Variants in NMT1 observed in about 807,000 individuals in gnomAD.
The protein encoded by NMT1 is N-myristoyltransferase 1.
Under a neutral mutation model 63.4 loss-of-function variants are expected in NMT1, and 12 were observed. The observed-to-expected ratio is 0.19, with a 90% confidence interval of 0.12 to 0.31. The LOEUF is 0.31. NMT1 is among the 10% of genes least tolerant of loss of function. NMT1 has a pLI of 1.00. For missense variants in NMT1, 432 were observed against 634.6 expected, an observed-to-expected ratio of 0.68 and a Z score of 3.43; for synonymous variants, 228 against 234.3, an observed-to-expected ratio of 0.97 and a Z score of 0.25.
intron 3 of NMT1, among the ~76,000 whole-genome samples, chr17:45,088,151 A>G (rs540099424): frequency 1.3e-5 from 2 of 152,152 alleles, no homozygotes; most frequent in Admixed American, 6.5e-5. Flanking sequence ...TGATTCCCCC[A>G]TCACCGTGTG....
chr17:45,066,570 A>G (rs925162634), intron 1 of NMT1, among the ~76,000 whole-genome samples: 8 of 151,946 alleles, frequency 5.3e-5, no homozygotes, highest in Non-Finnish European at 1.0e-4. Context: ...CCTGGGCAAC[A>G]TGGTGAGACC....
intron 1 of NMT1, among the ~76,000 whole-genome samples, chr17:45,080,273 G>A (rs1173162189): frequency 6.6e-6 from 1 of 151,496 alleles, no homozygotes; most frequent in African/African-American, 2.4e-5. Flanking sequence ...CGATTCTCCT[G>A]CCTTAGCCTC....
intron 3 of NMT1, among the ~76,000 whole-genome samples, chr17:45,092,065 C>T (rs895662243): frequency 6.6e-6 from 1 of 152,120 alleles, no homozygotes; most frequent in Non-Finnish European, 1.5e-5. Flanking sequence ...TATGACCTCT[C>T]TCCCAAGCAA....
At chr17:45,061,809 T>TA (rs2053863626) in intron 1 of NMT1, 1 of 175,494 alleles carries the variant, frequency 5.7e-6, no homozygotes, top group African/African-American at 2.4e-5. Context: ...GAACGTTACT[T>TA]ATAGACGTGT....
At chr17:45,085,819 C>CTTTTTTT (rs747872109) in intron 2 of NMT1, among the ~76,000 whole-genome samples, 4 of 145,508 alleles carry the variant, frequency 2.7e-5, no homozygotes, top group Non-Finnish European at 3.0e-5. Flanking sequence ...CCCTTTAACT[C>CTTTTTTT]TTTTTTTTTT....
In NMT1 at chr17:45,098,515, G is replaced by A. The variant is rs1302511754; in HGVS notation, c.847G>A (p.Ala283Thr). Residue 283 changes from alanine to threonine, a missense_variant, in exon 7 of 12, where the codon GCC becomes ACC. This residue lies in a region of NMT1 where 295 missense variants were observed against 489.7 expected (regional missense o/e 0.60). Coordinates refer to ENST00000258960, the MANE Select transcript of NMT1 (RefSeq NM_021079.5). ...GGGCATCTTCCAAGCAGTTTACACT[G>A]CCGGGGTGGTACTACCAAAGCCCGT... Reference protein sequence around the residue: ...LEGIFQAVYTAGVVLPKPVGT... With the variant: ...LEGIFQAVYTTGVVLPKPVGT... 3 of 1,614,180 alleles carry A rather than the reference G, an allele frequency of 1.9e-6. No individual in the cohort carries two copies. Among genetic ancestry groups the A allele is most frequent in the Non-Finnish European group, 2.5e-6 (3 of 1,180,028 alleles).
At chr17:45,077,452 G>A (rs1227060061) in intron 1 of NMT1, among the ~76,000 whole-genome samples, 1 of 152,314 alleles carries the variant, frequency 6.6e-6, no homozygotes, top group East Asian at 1.9e-4. Context: ...GTATAGTGGT[G>A]CAATCTTGGC....
Position 45,107,737 on chromosome 17 carries a change from C to A in NMT1, c.*2098C>A, listed in dbSNP as rs570223309. 3 of 152,428 alleles carry A rather than the reference C, an allele frequency of 2.0e-5. No homozygotes were observed. In the East Asian group the frequency reaches 5.8e-4, roughly 29 times the overall value. 9.4% of individuals were successfully genotyped at this position (152,428 alleles called of 1,614,324 possible). A position where few individuals can be genotyped will look rare whatever the true frequency, so the allele number is the denominator to read the frequency against. On this transcript the variant is annotated 3_prime_UTR_variant, in exon 12 of 12. Coordinates refer to ENST00000258960, the MANE Select transcript of NMT1 (RefSeq NM_021079.5). Reference sequence around the variant, plus strand: ...GCTTGAGCTGCCTCTGAGATTTGGGCTGTGCGGATCTCTGGAGTGAGCTCT... The same window carrying A: ...GCTTGAGCTGCCTCTGAGATTTGGGATGTGCGGATCTCTGGAGTGAGCTCT...
intron 1 of NMT1, among the ~76,000 whole-genome samples, chr17:45,073,835 C>G (rs1256302184): frequency 6.6e-6 from 1 of 152,214 alleles, no homozygotes; most frequent in East Asian, 1.9e-4. Context: ...CCTTAGTTTC[C>G]TCATCTGTAA....
chr17:45,081,778 G>T, intron 2 of NMT1, 26 bp downstream of exon 2: 3 of 1,510,284 alleles, frequency 2.0e-6, no homozygotes, highest in South Asian at 2.5e-5. Context: ...TGTTTTTTGT[G>T]ACTCAGTCAC....
rs2053858532 is a variant in NMT1 at position 45,061,551 on chromosome 17, C to G, written c.131+91C>G. ...GAAGTCACCGGGAGCTTAGTCTAGC[C>G]CCACCCTCATGTTCTTATTGGCTAA... On this transcript the variant is annotated intron_variant, in intron 1 of 11. Transcript: ENST00000258960. 4.3e-6 allele frequency: 5 copies of G among 1,154,030 alleles called. No homozygotes were observed. In the South Asian group the frequency reaches 5.9e-5, roughly 14 times the overall value. The allele number at this position is 1,154,030 out of a possible 1,614,324, so 71.5% of individuals were successfully genotyped here. A position where few individuals can be genotyped will look rare whatever the true frequency, so the allele number is the denominator to read the frequency against.
chr17:45,086,478 C>G (rs1456385181), intron 2 of NMT1, 30 bp from the exon 3 acceptor site: 2 of 1,583,556 alleles, frequency 1.3e-6, no homozygotes, highest in African/African-American at 2.7e-5. Flanking sequence ...CATAATGGGC[C>G]TTTTTTCTCC....
intron 1 of NMT1, among the ~76,000 whole-genome samples, chr17:45,075,518 A>T (rs1053615941): frequency 1.3e-5 from 2 of 150,048 alleles, no homozygotes; most frequent in Non-Finnish European, 3.0e-5. Context: ...GTGGTGGCTC[A>T]CGCCTGTAAT....
At chr17:45,062,487 T>G (rs1486631893) in intron 1 of NMT1, among the ~76,000 whole-genome samples, 1 of 152,234 alleles carries the variant, frequency 6.6e-6, no homozygotes, top group East Asian at 1.9e-4. Context: ...GCAGTATTGG[T>G]GGCAGTGCAG....
chr17:45,103,914 G>A lies in NMT1; in HGVS notation c.1332+38G>A, dbSNP rs139928454. On this transcript the variant is annotated intron_variant, in intron 10 of 11. Transcript: ENST00000258960. The surrounding 1 kb of genome is among the most constrained non-coding windows in gnomAD (Gnocchi z 4.8). Reference sequence around the variant, plus strand: ...CGGGGGGGTCTCTGGAGATGTGCAGGGAAGAGGCAGTGGAGCCATGGTGAG... The same window carrying A: ...CGGGGGGGTCTCTGGAGATGTGCAGAGAAGAGGCAGTGGAGCCATGGTGAG... The A allele has an allele frequency of 4.7e-4, 753 of 1,610,412 alleles. 3 individuals carry two copies. The African/African-American group carries it at 9.4e-3, about 20-fold the overall frequency.
Position 45,088,764 on chromosome 17 carries a change from T to TAAAA in NMT1, c.385+2112_385+2113insAAAA, listed in dbSNP as rs368660508. On this transcript the variant is annotated intron_variant, in intron 3 of 11. Coordinates refer to ENST00000258960, the MANE Select transcript of NMT1 (RefSeq NM_021079.5). ...GCAAGAATGCATCTCAAAAATGAAT[T>TAAAA]TAAAAAAAAAAAAAAAGAGGCAGCT... 2.3e-4 allele frequency among the ~76,000 whole-genome samples: 34 copies of TAAAA among 147,890 alleles called. 3 individuals are homozygous for TAAAA. The highest frequency in any genetic ancestry group is 2.0e-3 in the East Asian group (10 of 5,096).
At chr17:45,076,027 G>A (rs1398469490) in intron 1 of NMT1, among the ~76,000 whole-genome samples, 1 of 152,136 alleles carries the variant, frequency 6.6e-6, no homozygotes, top group Non-Finnish European at 1.5e-5. Flanking sequence ...CCAAGATTGT[G>A]CCATTGTACT....
At chr17:45,082,577 C>G (rs1189099500) in intron 2 of NMT1, among the ~76,000 whole-genome samples, 1 of 152,124 alleles carries the variant, frequency 6.6e-6, no homozygotes. Context: ...TGGCATGAAA[C>G]CCAGAGATAT....
At position 45,081,629 on chromosome 17, in the gene NMT1, T is replaced by C. The variant is rs2143480888; in HGVS notation, c.132-15T>C. Reference sequence around the variant, plus strand: ...TTTTTTTAAACCCTGCATTAGTATTTACTTTTTGTTACAGTGGTTTGAGTC... The same window carrying C: ...TTTTTTTAAACCCTGCATTAGTATTCACTTTTTGTTACAGTGGTTTGAGTC... On this transcript the variant is annotated splice_polypyrimidine_tract_variant and intron_variant, in intron 1 of 11. Transcript: ENST00000258960. 6.2e-7 allele frequency: 1 copy of C among 1,603,904 alleles called. No individual in the cohort carries two copies. The highest frequency in any genetic ancestry group is 1.7e-5 in the Admixed American group (1 of 57,580).
Sources: allele counts gnomAD v4.1 joint callset (sites outside exome capture counted in the v4.1 genomes callset), GRCh38; gene constraint gnomAD v4.1.1; regional missense constraint gnomAD v4.1.1; non-coding constraint Gnocchi (gnomAD v3.1); transcripts MANE v1.5; gene names NCBI Gene and HGNC (gene_info 2026-07-23, HGNC 2026-07-21).